Variants in MOCOS observed in about 807,000 individuals in gnomAD.
MOCOS encodes human molybdenum cofactor sulfurase.
In MOCOS, 86 loss-of-function variants were observed where a neutral mutation model predicts 83.6. That is an observed-to-expected ratio of 1.03 (90% CI 0.86 to 1.23). MOCOS has a LOEUF of 1.23. MOCOS is among the 50% of genes most tolerant of loss of function. The pLI is 0.00. For missense variants in MOCOS, 1,120 were observed against 1,126.9 expected, an observed-to-expected ratio of 0.99 and a Z score of 0.09; for synonymous variants, 445 against 434.7, an observed-to-expected ratio of 1.02 and a Z score of -0.29.
rs1456472625 is a variant in MOCOS at position 36,240,451 on chromosome 18, G to C, written c.1961-8471G>C. Among the ~76,000 whole-genome samples the C allele has an allele frequency of 6.6e-5, 10 of 150,414 alleles. No homozygotes were observed. The East Asian group carries it at 1.4e-3, about 21-fold the overall frequency. ...TGCCTCCCAGTTAGGCTGCTCGGGG[G>C]TCAGGGGTCAGGGACCCACTTGAGG... On this transcript the variant is annotated intron_variant, in intron 9 of 14. Transcript: ENST00000261326.
chr18:36,201,795 G>A (rs2091416132), intron 4 of MOCOS, among the ~76,000 whole-genome samples: 2 of 152,070 alleles, frequency 1.3e-5, no homozygotes, highest in Admixed American at 6.6e-5. Context: ...ATAGTTGGGG[G>A]GCTTCTAAAA....
At chr18:36,265,236 T>C (rs1025455413) in intron 13 of MOCOS, among the ~76,000 whole-genome samples, 5 of 152,204 alleles carry the variant, frequency 3.3e-5, no homozygotes, top group Admixed American at 6.5e-5. Flanking sequence ...ATGCAAGACA[T>C]GGATCATGAA....
At position 36,271,779 on chromosome 18, in the gene MOCOS, G is replaced by A. The variant is rs17745789; in HGVS notation, c.*3094G>A. On this transcript the variant is annotated 3_prime_UTR_variant, in exon 15 of 15. Coordinates refer to ENST00000261326, the MANE Select transcript of MOCOS (RefSeq NM_017947.4). ...TCAAGAATCCTTTAAGGAGGGTGGC[G>A]GTGCTGACTTCTCCCCATTGAGAGT... 0.092 allele frequency: 14,049 copies of A among 152,126 alleles called. 736 individuals carry two copies. The highest frequency in any genetic ancestry group is 0.24 in the East Asian group (1,230 of 5,156). The allele number at this position is 152,126 out of a possible 1,614,324, so 9.4% of individuals were successfully genotyped here. A position where few individuals can be genotyped will look rare whatever the true frequency, so the allele number is the denominator to read the frequency against.
At chr18:36,210,441 C>T (rs2091450492) in intron 6 of MOCOS, among the ~76,000 whole-genome samples, 1 of 152,100 alleles carries the variant, frequency 6.6e-6, no homozygotes, top group African/African-American at 2.4e-5. Flanking sequence ...CTAAGAAGCA[C>T]AATATTTTAA....
intron 9 of MOCOS, among the ~76,000 whole-genome samples, chr18:36,235,049 C>T (rs954326354): frequency 2.6e-5 from 4 of 152,090 alleles, no homozygotes; most frequent in African/African-American, 7.2e-5. Context: ...TTATTCTGCC[C>T]CTGGCCCCTC....
At chr18:36,237,206 G>T (rs2091562792) in intron 9 of MOCOS, among the ~76,000 whole-genome samples, 1 of 145,990 alleles carries the variant, frequency 6.8e-6, no homozygotes, top group Non-Finnish European at 1.5e-5. Context: ...TCCCTGTCTT[G>T]TGCCAGTTTT....
At chr18:36,254,088 C>A (rs745476149) in intron 11 of MOCOS, among the ~76,000 whole-genome samples, 45 of 152,094 alleles carry the variant, frequency 3.0e-4, no homozygotes, top group South Asian at 6.2e-4. Context: ...GCTCCCTGCA[C>A]GATGCAGAAT....
chr18:36,269,015 C>T lies in MOCOS; in HGVS notation c.*330C>T. 3.2e-6 allele frequency: 1 copy of T among 316,844 alleles called. No homozygotes were observed. The highest frequency in any genetic ancestry group is 5.9e-6 in the Non-Finnish European group (1 of 169,104). 19.6% of individuals were successfully genotyped at this position (316,844 alleles called of 1,614,324 possible). A position where few individuals can be genotyped will look rare whatever the true frequency, so the allele number is the denominator to read the frequency against. On this transcript the variant is annotated 3_prime_UTR_variant, in exon 15 of 15. Transcript: ENST00000261326. The stretch of plus-strand genomic sequence containing the variant: ...GGAAGATTGAACTTACTGCGGGTCC[C>T]TATTTTGCCATTTTCTCACATTGTT...
At chr18:36,200,352 AG>A in intron 4 of MOCOS, 28 bp downstream of exon 4, 1 of 1,613,344 alleles carries the variant, frequency 6.2e-7, no homozygotes, top group Non-Finnish European at 8.5e-7. Flanking sequence ...GAGGGGTCAG[AG>A]GAGTTCAGCA....
intron 13 of MOCOS, among the ~76,000 whole-genome samples, chr18:36,261,604 A>T (rs1322339579): frequency 6.6e-6 from 1 of 152,294 alleles, no homozygotes; most frequent in South Asian, 2.1e-4. Flanking sequence ...AATAAATTGC[A>T]TGGCACAATA....
At chr18:36,231,939 A>T (rs958806601) in intron 9 of MOCOS, among the ~76,000 whole-genome samples, 28 of 152,080 alleles carry the variant, frequency 1.8e-4, no homozygotes, top group African/African-American at 6.8e-4. Context: ...ATCCAACCAA[A>T]TTCTAGTGTC....
chr18:36,262,204 A>C (rs2091665735), intron 13 of MOCOS, among the ~76,000 whole-genome samples: 1 of 147,794 alleles, frequency 6.8e-6, no homozygotes, highest in African/African-American at 2.5e-5. Context: ...TAAGTATAAA[A>C]TTATTTTCAC....
intron 9 of MOCOS, among the ~76,000 whole-genome samples, chr18:36,226,606 TTGTCTGTCTTTTCACCTCTTGC>T (rs2091516388): frequency 1.3e-5 from 2 of 152,116 alleles, no homozygotes; most frequent in African/African-American, 4.8e-5. Flanking sequence ...TATAGTTCTT[TTGTCTGTCTTTTCACCTCTTGC>T]TGTCTTTGTG....
At position 36,248,952 on chromosome 18, in the gene MOCOS, A is replaced by G; in HGVS notation, c.1991A>G (p.Glu664Gly). 1 of 1,614,118 alleles carries G rather than the reference A, an allele frequency of 6.2e-7. No homozygotes were observed. The highest frequency in any genetic ancestry group is 8.5e-7 in the Non-Finnish European group (1 of 1,179,972). The change falls in exon 10 of 15, where the codon GAA (glutamate) becomes GGA (glycine). Residue 664 changes from glutamate to glycine, a missense_variant. Coordinates refer to ENST00000261326, the MANE Select transcript of MOCOS (RefSeq NM_017947.4). ...GAGCCTATAGAGGTGCCTCTTGAGG[A>G]AAATAGTGAACGGACTCAGATTCGC... Reference protein sequence around the residue: ...GMEPIEVPLEENSERTQIRQS... With the variant: ...GMEPIEVPLEGNSERTQIRQS...
At chr18:36,235,704 A>G (rs931799702) in intron 9 of MOCOS, among the ~76,000 whole-genome samples, 1 of 151,812 alleles carries the variant, frequency 6.6e-6, no homozygotes, top group Non-Finnish European at 1.5e-5. Context: ...AGGAATCGCC[A>G]CACTGACTTC....
intron 13 of MOCOS, among the ~76,000 whole-genome samples, chr18:36,266,421 C>A (rs1051368061): frequency 1.3e-5 from 2 of 152,126 alleles, no homozygotes; most frequent in African/African-American, 4.8e-5. Context: ...CAGGTGTGAG[C>A]CACCATGCTG....
chr18:36,217,733 A>T (rs1044405380), intron 8 of MOCOS, among the ~76,000 whole-genome samples: 1 of 152,228 alleles, frequency 6.6e-6, no homozygotes, highest in Non-Finnish European at 1.5e-5. Flanking sequence ...AAAGGTTCAA[A>T]GAAGAAACGA....
chr18:36,188,916 TTCTCTC>T (rs34349712), intron 1 of MOCOS, among the ~76,000 whole-genome samples: 21,186 of 147,208 alleles, frequency 0.14, 1,722 homozygotes, highest in East Asian at 0.3. Context: ...TTCTTTCGTA[TTCTCTC>T]TCTCTCTCTC....
chr18:36,237,372 T>A (rs1335689924), intron 9 of MOCOS, among the ~76,000 whole-genome samples: 2 of 152,106 alleles, frequency 1.3e-5, no homozygotes, highest in Non-Finnish European at 2.9e-5. Context: ...AGGCCTTTTC[T>A]GCATCTATTG....
Sources: gnomAD v4.1 joint callset for allele counts (sites outside exome capture counted in the v4.1 genomes callset) on GRCh38, gnomAD v4.1.1 for gene constraint, MANE v1.5 for transcripts, NCBI Gene and HGNC (gene_info 2026-07-23, HGNC 2026-07-21) for gene names.